The following EPHA1 variants were observed in gnomAD, a reference collection of about 807,000 sequenced individuals.
The protein encoded by EPHA1 is ephrin type-A receptor 1.
Under a neutral mutation model 110.1 loss-of-function variants are expected in EPHA1, and 92 were observed. The observed-to-expected ratio is 0.84, with a 90% CI of 0.71 to 0.99. The LOEUF (loss-of-function observed/expected upper bound fraction) is 0.99. Among genes scored for constraint, EPHA1 ranks in the 50% least tolerant of loss-of-function variants. EPHA1 has a pLI of 0.00. For synonymous variants in EPHA1, 500 were observed against 516.1 expected (o/e 0.97, Z 0.42); for missense variants, 1,204 against 1,285.4 (o/e 0.94, Z 0.97).
chr7:143,405,336 G>C (rs1805519104), intron 2 of EPHA1, among the ~76,000 whole-genome samples: 2 of 152,222 alleles, frequency 1.3e-5, no homozygotes, highest in South Asian at 4.1e-4. Flanking sequence ...AGAGCCAGCT[G>C]TCCAGGATCA....
chr7:143,404,980 C>CAA (rs11331186), intron 2 of EPHA1, among the ~76,000 whole-genome samples: 40 of 147,142 alleles, frequency 2.7e-4, no homozygotes, highest in Non-Finnish European at 3.9e-4. Flanking sequence ...TGGGAAAAGG[C>CAA]AAAAAAAAAA....
chr7:143,393,692 G>A lies in EPHA1; in HGVS notation c.2675C>T (p.Thr892Ile), dbSNP rs148388192. The change falls in exon 16 of 18, where the codon ACC (threonine) becomes ATC (isoleucine). Residue 892 changes from threonine (T) to isoleucine (I), a missense_variant. Transcript: ENST00000275815. This position sits in a 1 kb window ranked among gnomAD's most constrained non-coding sequence, Gnocchi z 5.6. Reference sequence around the variant, plus strand: ...TTACCTGGGGTCAAAGTTGGCAATGGTCCGCAGGGAGTGGGGGTTGGCAAG... The same window carrying A: ...TTACCTGGGGTCAAAGTTGGCAATGATCCGCAGGGAGTGGGGGTTGGCAAG... ...QLLANPHSLR[T>I]IANFDPRMTL... is the part of the protein sequence containing the mutation. 1.5e-4 allele frequency: 241 copies of A among 1,613,704 alleles called. 1 individual carries two copies. The highest frequency in any genetic ancestry group is 1.8e-4 in the Non-Finnish European group (218 of 1,179,974).
chr7:143,402,156 T>A (rs1444054330), intron 2 of EPHA1, among the ~76,000 whole-genome samples: 5 of 151,312 alleles, frequency 3.3e-5, no homozygotes, highest in Non-Finnish European at 7.4e-5. Flanking sequence ...CTCAAACACC[T>A]GGACTCAGAT....
In EPHA1 at chr7:143,399,636, C is replaced by G; in HGVS notation, c.835+15G>C. 6.2e-7 allele frequency: 1 copy of G among 1,612,146 alleles called. No individual in the cohort carries two copies. Among genetic ancestry groups the G allele is most frequent in the Non-Finnish European group, 8.5e-7 (1 of 1,179,742 alleles). On this transcript the variant is annotated intron_variant, in intron 4 of 17. Transcript: ENST00000275815. ...CCCGAGTGGTTCCTCAGGTTCTCAC[C>G]GCCTCCGTTCTTACCAACACATGCT...
In EPHA1 at chr7:143,395,481, C is replaced by T. The variant is rs529885927; in HGVS notation, c.1921G>A (p.Gly641Arg). 6.2e-7 allele frequency: 1 copy of T among 1,614,164 alleles called. No homozygotes were observed. Among genetic ancestry groups the T allele is most frequent in the South Asian group, 1.1e-5 (1 of 91,080 alleles). ...GEGEFGEVYR[G>R]TLRLPSQDCK... ...TCCTGGCTGGGGAGCCTCAGGGTCC[C>T]TCGATACACTTCCCCAAACTCTCCT... is the stretch of plus-strand genomic sequence containing the variant. Residue 641 changes from glycine (G) to arginine (R), a missense_variant, in exon 12 of 18, where the codon GGG (glycine) becomes AGG (arginine). Gly to Arg is a moderately radical substitution (Grantham distance 125). Coordinates refer to ENST00000275815, the MANE Select transcript of EPHA1 (RefSeq NM_005232.5). The surrounding 1 kb of genome is among the most constrained non-coding windows in gnomAD (Gnocchi z 4.7).
intron 16 of EPHA1, among the ~76,000 whole-genome samples, chr7:143,392,884 G>A (rs920520637): frequency 3.3e-5 from 5 of 152,128 alleles, no homozygotes; most frequent in Admixed American, 2.0e-4. Context: ...GGAGGCTGCA[G>A]TGAGCTGAGA....
Position 143,397,320 on chromosome 7 carries a change from G to GGCGCGGTC in EPHA1, c.1747_1754dup (p.Asp587AlafsTer13). 1 of 1,549,786 alleles carries GGCGCGGTC rather than the reference G, an allele frequency of 6.5e-7. No homozygotes were observed. The highest frequency in any genetic ancestry group is 1.2e-5 in the South Asian group (1 of 84,024). On this transcript the variant is annotated frameshift_variant, in exon 10 of 18. Transcript: ENST00000275815. LOFTEE classifies it high-confidence loss of function. ...CCGACTCACCTCGATCCACATCGGT[G>GGCGCGGTC]GCGCGGTCACGCTGCCTCTGCTGCC... is the stretch of plus-strand genomic sequence containing the variant.
In EPHA1 at chr7:143,397,927, G is replaced by A. The variant is rs1359103358; in HGVS notation, c.1608C>T (p.Ser536=). Residue 536 remains serine (S), a synonymous_variant, in exon 8 of 18, where the codon AGC becomes AGT. Coordinates refer to ENST00000275815, the MANE Select transcript of EPHA1 (RefSeq NM_005232.5). ...GAGCACAAGATACCCCACCTGGTGG[G>A]CTGGTCCGAAACTCATGATCAGGGG... ...PFSPDHEFRT[S]PPVSRGLTGG... 1.9e-6 allele frequency: 3 copies of A among 1,613,982 alleles called. No homozygotes were observed. The highest frequency in any genetic ancestry group is 2.5e-6 in the Non-Finnish European group (3 of 1,179,882).
intron 8 of EPHA1, 50 bp from the exon 9 acceptor site, chr7:143,397,707 A>G (rs1450866651): frequency 6.2e-7 from 1 of 1,605,964 alleles, no homozygotes; most frequent in East Asian, 2.2e-5. Flanking sequence ...GTCCGTAGGA[A>G]TGAGGGGGGT....
In EPHA1 at chr7:143,401,195, C is replaced by T. The variant is rs1805402988; in HGVS notation, c.432+129G>A. The T allele has an allele frequency of 2.4e-6, 3 of 1,273,402 alleles. No individual in the cohort carries two copies. Among genetic ancestry groups the T allele is most frequent in the Admixed American group, 2.3e-5 (1 of 43,502 alleles). 78.9% of individuals were successfully genotyped at this position (1,273,402 alleles called of 1,614,324 possible). ...GGCACAAGCCACCATGCCCAGCCTTCAAGCGCCAAATTCTTTTCAAGATTC... is the reference window on the plus strand; with the variant it reads ...GGCACAAGCCACCATGCCCAGCCTTTAAGCGCCAAATTCTTTTCAAGATTC... On this transcript the variant is annotated intron_variant, in intron 3 of 17. Coordinates refer to ENST00000275815, the MANE Select transcript of EPHA1 (RefSeq NM_005232.5). This position sits in a 1 kb window ranked among gnomAD's most constrained non-coding sequence, Gnocchi z 4.1.
At chr7:143,400,841 C>T (rs146830148) in intron 3 of EPHA1, 231 of 165,910 alleles carry the variant, frequency 1.4e-3, no homozygotes, top group Admixed American at 3.2e-3. Context: ...CCCAAAGTCA[C>T]GGCACAGCAG....
At chr7:143,402,738 G>A (rs1014227639) in intron 2 of EPHA1, among the ~76,000 whole-genome samples, 2 of 152,178 alleles carry the variant, frequency 1.3e-5, no homozygotes, top group African/African-American at 2.4e-5. Flanking sequence ...CAGGGAGGTC[G>A]AGTGACTTGC....
In EPHA1 at chr7:143,394,280, C is replaced by T; in HGVS notation, c.2416G>A (p.Ala806Thr). 1 of 1,614,106 alleles carries T rather than the reference C, an allele frequency of 6.2e-7. No homozygotes were observed. Among genetic ancestry groups the T allele is most frequent in the Non-Finnish European group, 8.5e-7 (1 of 1,180,030 alleles). Residue 806 changes from alanine (A) to threonine (T), a missense_variant, in exon 15 of 18, where the codon GCC becomes ACC. Ala to Thr is a moderately conservative substitution (Grantham distance 58). Transcript: ENST00000275815. ...EAIAHRIFTT[A>T]SDVWSFGIVM... ...ATCCCAAAGCTCCACACATCGCTGG[C>T]TGTGGTGAAGATCCGATGGGCAATG...
Position 143,398,032 on chromosome 7 carries a change from G to C in EPHA1, c.1503C>G (p.Val501=). 1 of 1,614,124 alleles carries C rather than the reference G, an allele frequency of 6.2e-7. No individual in the cohort carries two copies. Among genetic ancestry groups the C allele is most frequent in the Non-Finnish European group, 8.5e-7 (1 of 1,180,000 alleles). The change falls in exon 8 of 18, where the codon GTC becomes GTG. Residue 501 remains valine (V), a synonymous_variant. Coordinates refer to ENST00000275815, the MANE Select transcript of EPHA1 (RefSeq NM_005232.5). ...ERYQMVLEPR[V]LLTELQPDTT... is the part of the protein sequence containing the mutation. ...TGTCAGGCTGCAGCTCTGTCAGCAAGACCCTGGGTTCTAGAACCATCTGGT... is the reference window on the plus strand; with the variant it reads ...TGTCAGGCTGCAGCTCTGTCAGCAACACCCTGGGTTCTAGAACCATCTGGT...
In EPHA1 at chr7:143,393,851, A is replaced by G. The variant is rs1362271571; in HGVS notation, c.2516T>C (p.Ile839Thr). The G allele has an allele frequency of 9.6e-6, 15 of 1,567,060 alleles. No homozygotes were observed. Among genetic ancestry groups the G allele is most frequent in the Admixed American group, 5.4e-5 (3 of 55,658 alleles). Residue 839 changes from isoleucine (I) to threonine (T), a missense_variant, in exon 16 of 18, where the codon ATT becomes ACT. Ile to Thr is a moderately conservative substitution (Grantham distance 89). Transcript: ENST00000275815. The surrounding 1 kb of genome is among the most constrained non-coding windows in gnomAD (Gnocchi z 5.6). ...AGGGGGCAACCGGTACCCATCCTCA[A>G]TGCTCTTCATAACCTGCACGGCGGG... ...EMSNQEVMKSIEDGYRLPPPV... is the reference protein window; with the variant it reads ...EMSNQEVMKSTEDGYRLPPPV...
chr7:143,396,501 A>T lies in EPHA1; in HGVS notation c.1781T>A (p.Leu594Gln). The part of the protein sequence containing the change: ...RATDVDREDK[L>Q]WLKPYVDLQA... The stretch of plus-strand genomic sequence containing the variant: ...GAGGTCCACATAAGGCTTCAGCCAC[A>T]GCTTGTCCTCTATGGGCAGAACATG... Residue 594 changes from leucine (L) to glutamine (Q), a missense_variant, in exon 11 of 18, where the codon CTG (leucine) becomes CAG (glutamine). Leu to Gln is a moderately radical substitution (Grantham distance 113). Coordinates refer to ENST00000275815, the MANE Select transcript of EPHA1 (RefSeq NM_005232.5). 6.2e-7 allele frequency: 1 copy of T among 1,613,934 alleles called. No homozygotes were observed.
intron 16 of EPHA1, among the ~76,000 whole-genome samples, chr7:143,392,334 A>T (rs571454658): frequency 8.5e-5 from 13 of 152,370 alleles, no homozygotes; most frequent in South Asian, 8.3e-4. Context: ...GCTGGGGGAA[A>T]AAATATCCAG....
chr7:143,396,524 A>ATGAGG lies in EPHA1; in HGVS notation c.1772-19_1772-15dup, dbSNP rs1292382871. On this transcript the variant is annotated splice_polypyrimidine_tract_variant and intron_variant, in intron 10 of 17. Transcript: ENST00000275815. ...ACAGCTTGTCCTCTATGGGCAGAAC[A>ATGAGG]TGAGGTTGGGGAGTACCAACATCAG... The ATGAGG allele has an allele frequency of 6.2e-7, 1 of 1,613,288 alleles. No individual in the cohort carries two copies. Among genetic ancestry groups the ATGAGG allele is most frequent in the Non-Finnish European group, 8.5e-7 (1 of 1,179,466 alleles).
Position 143,393,982 on chromosome 7 carries a change from G to T in EPHA1, c.2503-118C>A. 2 of 1,313,112 alleles carry T rather than the reference G, an allele frequency of 1.5e-6. No individual in the cohort carries two copies. The highest frequency in any genetic ancestry group is 2.1e-6 in the Non-Finnish European group (2 of 965,548). The allele number at this position is 1,313,112 out of a possible 1,614,324, so 81.3% of individuals were successfully genotyped here. A position where few individuals can be genotyped will look rare whatever the true frequency, so the allele number is the denominator to read the frequency against. On this transcript the variant is annotated intron_variant, in intron 15 of 17. Transcript: ENST00000275815. This position sits in a 1 kb window ranked among gnomAD's most constrained non-coding sequence, Gnocchi z 5.6. ...ATCCTAGGATGGGAGGAGGTGGGAG[G>T]ACCAGGGTGGGACGATCACAGTGGG...
Sources: gnomAD v4.1 joint callset for allele counts (sites outside exome capture counted in the v4.1 genomes callset) on GRCh38, gnomAD v4.1.1 for gene constraint, Gnocchi (gnomAD v3.1) non-coding constraint, MANE v1.5 for transcripts, NCBI Gene and HGNC (gene_info 2026-07-23, HGNC 2026-07-21) for gene names.